The following ACTR3C variants were observed in gnomAD, a reference collection of about 807,000 sequenced individuals.
ACTR3C encodes the protein actin-related protein 3C.
In ACTR3C, 18 loss-of-function variants were observed where a neutral mutation model predicts 26.3. The ratio of observed to expected loss-of-function variants is 0.68; its 90% confidence interval spans 0.47 to 1.01. The LOEUF (loss-of-function observed/expected upper bound fraction) is 1.01, where lower values mean the gene tolerates loss of function less well. Among genes scored for constraint, ACTR3C ranks in the 50% least tolerant of loss-of-function variants. The pLI, the probability that ACTR3C is intolerant of heterozygous loss-of-function variation, is 0.00. For missense variants in ACTR3C, 184 were observed against 250.7 expected (o/e 0.73, Z 1.80); for synonymous variants, 55 against 94.5 (o/e 0.58, Z 2.42).
At chr7:150,234,412 A>C in the ACTR3C span, among the ~76,000 whole-genome samples, 3 of 152,136 alleles carry the variant, frequency 2.0e-5, no homozygotes, top group Admixed American at 6.5e-5. Flanking sequence ...TATATTTCAC[A>C]ATAACTTCTC....
chr7:150,048,195 A>C, the ACTR3C span, among the ~76,000 whole-genome samples: 8 of 152,164 alleles, frequency 5.3e-5, no homozygotes, highest in East Asian at 1.9e-4. Context: ...AAGAAAAAAA[A>C]CCAAAAACAT....
chr7:150,250,541 G>C (rs115479451), intron 6 of ACTR3C, among the ~76,000 whole-genome samples: 1,620 of 152,018 alleles, frequency 0.011, 54 homozygotes, highest in African/African-American at 0.037. Flanking sequence ...CTACTGTGTT[G>C]AGATTTCAGT....
chr7:150,207,816 T>A, the ACTR3C span, among the ~76,000 whole-genome samples: 3 of 151,904 alleles, frequency 2.0e-5, no homozygotes, highest in Admixed American at 2.0e-4. Context: ...TATGGGTTTG[T>A]CTTAGTTATA....
the ACTR3C span, among the ~76,000 whole-genome samples, chr7:150,112,037 C>T: frequency 1.3e-5 from 2 of 150,734 alleles, 1 homozygote. Flanking sequence ...ATTTATTCCT[C>T]CGACTCACTG....
At chr7:150,037,772 C>G in the ACTR3C span, among the ~76,000 whole-genome samples, 5 of 47,994 alleles carry the variant, frequency 1.0e-4, no homozygotes, top group Admixed American at 1.4e-3. Flanking sequence ...GGGGTGCCTC[C>G]CCCTCCTGCG....
At chr7:150,191,368 A>T in the ACTR3C span, among the ~76,000 whole-genome samples, 5 of 152,220 alleles carry the variant, frequency 3.3e-5, no homozygotes, top group African/African-American at 1.2e-4. Flanking sequence ...TCCCCCAATG[A>T]TTTAGCTTTT....
At chr7:150,037,759 C>CG in the ACTR3C span, among the ~76,000 whole-genome samples, 1 of 41,924 alleles carries the variant, frequency 2.4e-5, no homozygotes. Context: ...CCCACCCTCG[C>CG]GGGGGGTGCC....
At chr7:150,316,589 G>A (rs1021472699) in intron 1 of ACTR3C, among the ~76,000 whole-genome samples, 19 of 149,338 alleles carry the variant, frequency 1.3e-4, no homozygotes, top group Admixed American at 7.4e-4. Context: ...AGGTTCAAGC[G>A]ATTCTCCTGC....
chr7:149,967,956 T>C, the ACTR3C span, among the ~76,000 whole-genome samples: 1 of 152,198 alleles, frequency 6.6e-6, no homozygotes, highest in Non-Finnish European at 1.5e-5. Context: ...GTAGAGAAGA[T>C]GCAAAGCTCA....
At chr7:150,256,671 G>A (rs56869365) in intron 6 of ACTR3C, among the ~76,000 whole-genome samples, 1,860 of 152,124 alleles carry the variant, frequency 0.012, 35 homozygotes, top group African/African-American at 0.04. Flanking sequence ...CTCACTACCC[G>A]CGTGACAAAA....
At chr7:150,194,872 T>C in the ACTR3C span, among the ~76,000 whole-genome samples, 4 of 152,096 alleles carry the variant, frequency 2.6e-5, no homozygotes. Context: ...GGCAGGCAGA[T>C]GACCTGAGGC....
the ACTR3C span, among the ~76,000 whole-genome samples, chr7:150,111,916 A>G: frequency 6.6e-6 from 1 of 151,802 alleles, no homozygotes; most frequent in African/African-American, 2.4e-5. Flanking sequence ...CCTCACTTCC[A>G]TACATCATCG....
At chr7:150,213,269 A>T in the ACTR3C span, among the ~76,000 whole-genome samples, 1 of 152,318 alleles carries the variant, frequency 6.6e-6, no homozygotes, top group Non-Finnish European at 1.5e-5. Flanking sequence ...GTGAGAAAAG[A>T]AAAGGGGCAG....
chr7:150,144,819 G>T, the ACTR3C span, among the ~76,000 whole-genome samples: 1 of 152,184 alleles, frequency 6.6e-6, no homozygotes, highest in Admixed American at 6.5e-5. This position sits in a 1 kb window ranked among gnomAD's most constrained non-coding sequence, Gnocchi z 4.6. Flanking sequence ...AGGCCGAGGT[G>T]GGCAGATCAC....
the ACTR3C span, among the ~76,000 whole-genome samples, chr7:149,908,377 G>A: frequency 1.3e-5 from 2 of 152,124 alleles, no homozygotes; most frequent in Admixed American, 1.3e-4. Context: ...CCCATTCATG[G>A]CAGCAGAGCG....
At chr7:150,176,035 G>A in the ACTR3C span, among the ~76,000 whole-genome samples, 9 of 150,408 alleles carry the variant, frequency 6.0e-5, no homozygotes, top group African/African-American at 2.0e-4. Context: ...TAATATAGAC[G>A]TAGTCAGTCT....
At chr7:150,025,131 G>A in the ACTR3C span, among the ~76,000 whole-genome samples, 10 of 145,456 alleles carry the variant, frequency 6.9e-5, no homozygotes, top group African/African-American at 2.0e-4. Flanking sequence ...AACTGCAAGT[G>A]GATATAAGCT....
chr7:150,257,199 G>A (rs1044870094), intron 6 of ACTR3C, among the ~76,000 whole-genome samples: 5 of 152,200 alleles, frequency 3.3e-5, no homozygotes, highest in Non-Finnish European at 5.9e-5. Flanking sequence ...CCTTGCAGAA[G>A]GATAATGAGA....
chr7:150,212,996 G>C, the ACTR3C span, among the ~76,000 whole-genome samples: 1 of 151,276 alleles, frequency 6.6e-6, no homozygotes, highest in Non-Finnish European at 1.5e-5. Context: ...AGATTCTCCA[G>C]CATAGGAGGA....
Sources: gnomAD v4.1 joint callset for allele counts (sites outside exome capture counted in the v4.1 genomes callset) on GRCh38, gnomAD v4.1.1 for gene constraint, Gnocchi (gnomAD v3.1) non-coding constraint, MANE v1.5 for transcripts, NCBI Gene and HGNC (gene_info 2026-07-23, HGNC 2026-07-21) for gene names.